PILRA: variants seen among roughly 807,000 people sequenced by gnomAD.
PILRA encodes the protein paired immunoglobulin-like type 2 receptor alpha.
A neutral mutation model predicts 33.1 loss-of-function variants in PILRA; 37 were observed. The ratio of observed to expected loss-of-function variants is 1.12; its 90% CI spans 0.86 to 1.47. The LOEUF is 1.47. Among genes scored for constraint, PILRA ranks in the 40% most tolerant of loss-of-function variants. The pLI, the probability that PILRA is intolerant of heterozygous loss-of-function variation, is 0.00. For synonymous variants in PILRA, 146 were observed against 149.9 expected (o/e 0.97, Z 0.19); for missense variants, 312 against 376.2 (o/e 0.83, Z 1.41).
chr7:100,376,243 C>T (rs571284758), intron 2 of PILRA: 118 of 152,188 alleles, frequency 7.8e-4, no homozygotes, highest in African/African-American at 2.8e-3. Flanking sequence ...AGCAAGACAG[C>T]CTTGAACTTT....
At chr7:100,389,847 G>GC in intron 2 of PILRA, 41 bp from the exon 3 acceptor site, 1 of 1,556,514 alleles carries the variant, frequency 6.4e-7, no homozygotes, top group Non-Finnish European at 8.9e-7. Context: ...GACACCCTGT[G>GC]CCCCCAGGGG....
chr7:100,388,360 A>C (rs1430954493), intron 2 of PILRA, among the ~76,000 whole-genome samples: 1 of 152,078 alleles, frequency 6.6e-6, no homozygotes, highest in East Asian at 1.9e-4. Flanking sequence ...TAGGATGTGA[A>C]GGTCAATATA....
Position 100,373,756 on chromosome 7 carries a change from C to T in PILRA, c.64+36C>T, listed in dbSNP as rs201384106. ...AGGACCACCCAGATGTGGGCTCTGCCCAAACCACAGGAGGGGCCAACCCGA... is the reference window on the plus strand; with the variant it reads ...AGGACCACCCAGATGTGGGCTCTGCTCAAACCACAGGAGGGGCCAACCCGA... On this transcript the variant is annotated intron_variant, in intron 1 of 6. Transcript: ENST00000198536. The T allele has an allele frequency of 7.8e-4, 1,251 of 1,610,860 alleles. 10 individuals are homozygous for T. The African/African-American group carries it at 0.014, about 18-fold the overall frequency.
chr7:100,375,483 A>G (rs1034684320), intron 2 of PILRA, among the ~76,000 whole-genome samples: 1 of 152,088 alleles, frequency 6.6e-6, no homozygotes, highest in South Asian at 2.1e-4. Flanking sequence ...TGTAATCACA[A>G]CACTTTGGGA....
At chr7:100,379,736 A>T (rs1338234204) in intron 2 of PILRA, among the ~76,000 whole-genome samples, 1 of 151,920 alleles carries the variant, frequency 6.6e-6, no homozygotes, top group African/African-American at 2.4e-5. Flanking sequence ...ATGCATGTTT[A>T]CCACCACCCT....
At chr7:100,397,157 G>C (rs868085903) in intron 3 of PILRA, among the ~76,000 whole-genome samples, 2 of 150,694 alleles carry the variant, frequency 1.3e-5, no homozygotes, top group African/African-American at 5.0e-5. Context: ...TGTAGAAGTG[G>C]AAGGGGAGGT....
intron 2 of PILRA, among the ~76,000 whole-genome samples, chr7:100,380,205 A>T (rs1791058129): frequency 6.6e-6 from 1 of 152,178 alleles, no homozygotes; most frequent in South Asian, 2.1e-4. Flanking sequence ...AGCACCGGGG[A>T]CTATATCTTG....
intron 3 of PILRA, among the ~76,000 whole-genome samples, chr7:100,390,352 C>G (rs1791364673): frequency 6.6e-6 from 1 of 152,162 alleles, no homozygotes; most frequent in Admixed American, 6.6e-5. Flanking sequence ...GTTCTTCTCT[C>G]TCAGTCATCA....
At chr7:100,390,984 A>G (rs555693082) in intron 3 of PILRA, among the ~76,000 whole-genome samples, 3 of 151,822 alleles carry the variant, frequency 2.0e-5, no homozygotes, top group Non-Finnish European at 4.4e-5. Context: ...TGGAAAGAGG[A>G]AAAGGGCCAG....
intron 2 of PILRA, among the ~76,000 whole-genome samples, chr7:100,380,141 C>T (rs1791055841): frequency 6.6e-6 from 1 of 152,184 alleles, no homozygotes; most frequent in Non-Finnish European, 1.5e-5. Context: ...TGGGGGAGCA[C>T]CCCAGGGATA....
At chr7:100,390,225 G>C in intron 3 of PILRA, 119 bp downstream of exon 3, 1 of 852,006 alleles carries the variant, frequency 1.2e-6, no homozygotes, top group Non-Finnish European at 1.9e-6. Context: ...CAAGCCCACC[G>C]AGGCCGACTT....
intron 2 of PILRA, among the ~76,000 whole-genome samples, chr7:100,377,597 T>C (rs530069882): frequency 2.0e-5 from 3 of 152,266 alleles, no homozygotes; most frequent in African/African-American, 4.8e-5. Flanking sequence ...GTTGAAAATA[T>C]TGGCCAGACA....
At chr7:100,388,427 G>C (rs889501774) in intron 2 of PILRA, among the ~76,000 whole-genome samples, 1 of 151,880 alleles carries the variant, frequency 6.6e-6, no homozygotes, top group South Asian at 2.1e-4. Flanking sequence ...TTACAGATGT[G>C]TTCTCACTTA....
At chr7:100,381,861 T>C (rs1229465009) in intron 2 of PILRA, among the ~76,000 whole-genome samples, 2 of 152,150 alleles carry the variant, frequency 1.3e-5, no homozygotes, top group African/African-American at 2.4e-5. Context: ...ACTTAGCACC[T>C]GGGCCAGCAG....
At chr7:100,399,406 C>G (rs148484384) in intron 5 of PILRA, 66 bp downstream of exon 5, 25 of 1,448,386 alleles carry the variant, frequency 1.7e-5, no homozygotes, top group East Asian at 9.1e-5. Flanking sequence ...CCAAATACCC[C>G]CTACCTGGGT....
chr7:100,376,761 CT>C (rs34944697), intron 2 of PILRA, among the ~76,000 whole-genome samples: 189 of 75,038 alleles, frequency 2.5e-3, no homozygotes, highest in Middle Eastern at 0.018. Flanking sequence ...CTTGCTCTGC[CT>C]TTTTTTTTTT....
At chr7:100,395,591 T>A (rs1367600680) in intron 3 of PILRA, among the ~76,000 whole-genome samples, 1 of 152,024 alleles carries the variant, frequency 6.6e-6, no homozygotes, top group East Asian at 1.9e-4. Context: ...CAAAATAGAC[T>A]AAGACAGTAT....
chr7:100,397,310 CG>C (rs1791519935), intron 3 of PILRA, among the ~76,000 whole-genome samples: 5 of 151,188 alleles, frequency 3.3e-5, no homozygotes, highest in Admixed American at 3.3e-4. Flanking sequence ...AAGGATGCCA[CG>C]GGGATGGGAG....
At chr7:100,383,398 C>A (rs1420135796) in intron 2 of PILRA, among the ~76,000 whole-genome samples, 1 of 152,052 alleles carries the variant, frequency 6.6e-6, no homozygotes, top group Non-Finnish European at 1.5e-5. Flanking sequence ...TGGAGAAGCC[C>A]CAGGAAGATC....
Sources: gnomAD v4.1 joint callset for allele counts (sites outside exome capture counted in the v4.1 genomes callset) on GRCh38, gnomAD v4.1.1 for gene constraint, MANE v1.5 for transcripts, NCBI Gene and HGNC (gene_info 2026-07-23, HGNC 2026-07-21) for gene names.